The following DGKI variants were observed in gnomAD, a reference collection of about 807,000 sequenced individuals.
DGKI encodes the protein DAG kinase iota.
DGKI carries 55 observed loss-of-function variants against 147.5 expected under a neutral mutation model. That is an observed-to-expected ratio of 0.37 (90% CI 0.30 to 0.47). DGKI has a LOEUF of 0.47. Ranked by LOEUF, DGKI falls within the 20% of genes least tolerant of loss-of-function variation. The probability of loss-of-function intolerance (pLI) is 1.00; values close to 1 mark genes in which losing one functional copy is unlikely to be tolerated. For synonymous variants in DGKI, 469 were observed against 477.1 expected (o/e 0.98, Z 0.22); for missense variants, 1,007 against 1,323.8 (o/e 0.76, Z 3.71).
rs75539482 is a variant in DGKI, at chr7:137,382,903, T to G, written c.*8317A>C. 1 of 152,106 alleles carries G rather than the reference T, an allele frequency of 6.6e-6. No individual in the cohort carries two copies. Among genetic ancestry groups the G allele is most frequent in the Non-Finnish European group, 1.5e-5 (1 of 67,940 alleles). The allele number at this position is 152,106 out of a possible 1,614,324, so 9.4% of individuals were successfully genotyped here. On this transcript the variant is annotated 3_prime_UTR_variant, in exon 33 of 33. Transcript: ENST00000614521. ...AGGAACTCAAGCTGTATTACAGAAT[T>G]AAGGGATGATGGGCAATTAAAACTG...
chr7:137,417,935 A>G (rs1349960923), intron 28 of DGKI, among the ~76,000 whole-genome samples: 1 of 152,230 alleles, frequency 6.6e-6, no homozygotes, highest in Non-Finnish European at 1.5e-5. Context: ...ATCCAGAACC[A>G]TGAGCAATAA....
intron 28 of DGKI, among the ~76,000 whole-genome samples, chr7:137,443,652 A>G (rs1813598385): frequency 6.6e-6 from 1 of 152,236 alleles, no homozygotes; most frequent in Non-Finnish European, 1.5e-5. Flanking sequence ...TGCTCTTCAC[A>G]AATGAGTGAT....
chr7:137,836,655 G>GCAAT (rs1278525054), intron 1 of DGKI, among the ~76,000 whole-genome samples: 2 of 152,104 alleles, frequency 1.3e-5, no homozygotes, highest in African/African-American at 2.4e-5. Flanking sequence ...TATAATCCCT[G>GCAAT]CAATCATTTC....
chr7:137,666,676 G>T (rs769510000), intron 3 of DGKI, among the ~76,000 whole-genome samples: 2 of 152,118 alleles, frequency 1.3e-5, no homozygotes, highest in Non-Finnish European at 2.9e-5. Context: ...TTGCCAGGCG[G>T]AGAGTCATGG....
chr7:137,422,506 C>T (rs887194026), intron 28 of DGKI, among the ~76,000 whole-genome samples: 4 of 150,808 alleles, frequency 2.7e-5, no homozygotes, highest in African/African-American at 9.8e-5. Context: ...TTATAGAATC[C>T]TATTTACGGT....
chr7:137,392,655 G>A (rs1811407641), intron 32 of DGKI, among the ~76,000 whole-genome samples: 1 of 152,172 alleles, frequency 6.6e-6, no homozygotes, highest in South Asian at 2.1e-4. Flanking sequence ...TTAACCACTA[G>A]TTTGAAGTTC....
chr7:137,626,914 T>G lies in DGKI; in HGVS notation c.805-3360A>C, dbSNP rs567167526. 2.5e-4 allele frequency among the ~76,000 whole-genome samples: 38 copies of G among 152,316 alleles called. No individual in the cohort carries two copies. The East Asian group carries it at 7.3e-3, about 29-fold the overall frequency. Reference sequence around the variant, plus strand: ...CCCATTCAAAATACTTGAATGACACTTCTTTCCTTACAGATTAACAGAACA... The same window carrying G: ...CCCATTCAAAATACTTGAATGACACGTCTTTCCTTACAGATTAACAGAACA... On this transcript the variant is annotated intron_variant, in intron 6 of 32. Coordinates refer to ENST00000614521, the MANE Select transcript of DGKI (RefSeq NM_001321708.2).
At chr7:137,822,415 T>A (rs1797932052) in intron 1 of DGKI, among the ~76,000 whole-genome samples, 1 of 151,824 alleles carries the variant, frequency 6.6e-6, no homozygotes, top group Admixed American at 6.6e-5. Context: ...TCCAAAATAA[T>A]AATAATTATT....
At chr7:137,418,931 T>C (rs1812458633) in intron 28 of DGKI, among the ~76,000 whole-genome samples, 1 of 152,220 alleles carries the variant, frequency 6.6e-6, no homozygotes, top group African/African-American at 2.4e-5. Context: ...GGAGTAATAA[T>C]ACTCTACTTT....
chr7:137,508,833 G>A (rs1180959982), intron 21 of DGKI, among the ~76,000 whole-genome samples: 1 of 152,086 alleles, frequency 6.6e-6, no homozygotes, highest in East Asian at 1.9e-4. Context: ...GAAAAATCAA[G>A]AGAAAGGGAA....
chr7:137,806,637 G>A (rs1797375128), intron 1 of DGKI, among the ~76,000 whole-genome samples: 1 of 152,140 alleles, frequency 6.6e-6, no homozygotes, highest in South Asian at 2.1e-4. Flanking sequence ...GTTTCACCGT[G>A]TTAGCCAGGA....
intron 20 of DGKI, among the ~76,000 whole-genome samples, chr7:137,527,873 A>G (rs1422432489): frequency 6.6e-6 from 1 of 152,174 alleles, no homozygotes; most frequent in Non-Finnish European, 1.5e-5. Flanking sequence ...AACTAATCTA[A>G]TAGAATTCAT....
At chr7:137,643,794 G>C (rs1056144812) in intron 6 of DGKI, among the ~76,000 whole-genome samples, 2 of 152,138 alleles carry the variant, frequency 1.3e-5, no homozygotes, top group Non-Finnish European at 2.9e-5. Context: ...GGGAACACTT[G>C]TCTCAAAGTA....
intron 1 of DGKI, among the ~76,000 whole-genome samples, chr7:137,755,352 C>A (rs2116777604): frequency 6.6e-6 from 1 of 152,238 alleles, no homozygotes; most frequent in South Asian, 2.1e-4. Flanking sequence ...AAGGGTGCAC[C>A]TTTCCATCCA....
chr7:137,670,911 G>A (rs577793909), intron 3 of DGKI, among the ~76,000 whole-genome samples: 1 of 152,304 alleles, frequency 6.6e-6, no homozygotes, highest in South Asian at 2.1e-4. Flanking sequence ...GTCCAATGCT[G>A]GTGCTCCATG....
At chr7:137,649,835 G>A (rs913445529) in intron 5 of DGKI, among the ~76,000 whole-genome samples, 17 of 150,230 alleles carry the variant, frequency 1.1e-4, no homozygotes, top group African/African-American at 3.2e-4. Flanking sequence ...AACCCAGTCC[G>A]TTATGGCTTA....
In DGKI at chr7:137,622,657, T is replaced by C. The variant is rs567097099; in HGVS notation, c.876+826A>G. ...ATAACTGGGCATGGCTGCATTCCAG[T>C]GAAATTTTATTTACAAAAATAGATG... On this transcript the variant is annotated intron_variant, in intron 7 of 32. Transcript: ENST00000614521. 3.1e-3 allele frequency among the ~76,000 whole-genome samples: 478 copies of C among 152,206 alleles called. 1 individual carries two copies. The highest frequency in any genetic ancestry group is 7.1e-3 in the South Asian group (34 of 4,816).
rs59337977 is a variant in DGKI at position 137,563,278 on chromosome 7, T to TA, written c.1947+7896dup. On this transcript the variant is annotated intron_variant, in intron 19 of 32. Transcript: ENST00000614521. Reference sequence around the variant, plus strand: ...TCCTTCATCATATAAAGGACACTAATAAAAAAAAACTACAATTAAGCATAT... The same window carrying TA: ...TCCTTCATCATATAAAGGACACTAATAAAAAAAAAACTACAATTAAGCATAT... 6.6e-5 allele frequency among the ~76,000 whole-genome samples: 10 copies of TA among 150,790 alleles called. No homozygotes were observed. The East Asian group carries it at 9.7e-4, about 15-fold the overall frequency.
At chr7:137,392,792 G>A (rs986331100) in intron 32 of DGKI, among the ~76,000 whole-genome samples, 2 of 152,140 alleles carry the variant, frequency 1.3e-5, no homozygotes, top group Non-Finnish European at 2.9e-5. Context: ...GGCCTTTGAG[G>A]TGATTTCTGA....
Sources: allele counts gnomAD v4.1 joint callset (sites outside exome capture counted in the v4.1 genomes callset), GRCh38; gene constraint gnomAD v4.1.1; transcripts MANE v1.5; gene names NCBI Gene and HGNC (gene_info 2026-07-23, HGNC 2026-07-21).